Variants in CD9 observed in about 807,000 individuals in gnomAD.
CD9 encodes the protein CD9 antigen.
A neutral mutation model predicts 31.4 loss-of-function variants in CD9; 10 were observed. The observed-to-expected ratio is 0.32, with a 90% confidence interval of 0.20 to 0.54. CD9 has a LOEUF of 0.54. CD9 is among the 20% of genes least tolerant of loss of function. The probability of loss-of-function intolerance (pLI) is 0.94; values close to 1 mark genes in which losing one functional copy is unlikely to be tolerated. For missense variants in CD9, 259 were observed against 300.1 expected, an observed-to-expected ratio of 0.86 and a Z score of 1.01; for synonymous variants, 113 against 114.1, an observed-to-expected ratio of 0.99 and a Z score of 0.06.
At chr12:6,207,087 G>A (rs982304282) in intron 1 of CD9, among the ~76,000 whole-genome samples, 14 of 151,976 alleles carry the variant, frequency 9.2e-5, no homozygotes, top group Non-Finnish European at 1.9e-4. Context: ...TCTCTATGTC[G>A]CCCAAGCTGG....
chr12:6,211,855 G>A (rs1038898056), intron 1 of CD9, among the ~76,000 whole-genome samples: 3 of 152,126 alleles, frequency 2.0e-5, no homozygotes, highest in Non-Finnish European at 4.4e-5. Flanking sequence ...TTAGAAAGAG[G>A]TTACCTTGGG....
intron 1 of CD9, among the ~76,000 whole-genome samples, chr12:6,201,354 G>T (rs536337107): frequency 1.3e-5 from 2 of 152,348 alleles, no homozygotes; most frequent in African/African-American, 4.8e-5. Flanking sequence ...CCTCTAGTGG[G>T]ATGAGTCCTG....
Position 6,225,471 on chromosome 12 carries a change from G to T in CD9, c.112G>T (p.Asp38Tyr). 6.2e-7 allele frequency: 1 copy of T among 1,613,868 alleles called. No homozygotes were observed. Among genetic ancestry groups the T allele is most frequent in the South Asian group, 1.1e-5 (1 of 91,058 alleles). ...TGCCATTGGACTATGGCTCCGATTC[G>T]ACTCTCAGACCAAGAGCATCTTCGA... ...VLAIGLWLRF[D>Y]SQTKSIFEQE... Residue 38 changes from aspartate to tyrosine, a missense_variant, in exon 2 of 8, where the codon GAC (aspartate) becomes TAC (tyrosine). Coordinates refer to ENST00000009180, the MANE Select transcript of CD9 (RefSeq NM_001769.4).
At chr12:6,207,411 C>G (rs1565418758) in intron 1 of CD9, among the ~76,000 whole-genome samples, 1 of 152,248 alleles carries the variant, frequency 6.6e-6, no homozygotes, top group Non-Finnish European at 1.5e-5. Context: ...ACCCATCCCT[C>G]TGACTCTCAG....
intron 1 of CD9, among the ~76,000 whole-genome samples, chr12:6,201,142 G>A (rs1946071885): frequency 6.6e-6 from 1 of 152,212 alleles, no homozygotes; most frequent in African/African-American, 2.4e-5. Context: ...GTCCCTGAGA[G>A]TCGGGGGCCC....
intron 7 of CD9, 85 bp from the exon 8 acceptor site, chr12:6,237,677 GA>G: frequency 1.0e-6 from 1 of 969,408 alleles, no homozygotes; most frequent in Non-Finnish European, 1.6e-6. Context: ...ATTTTTCTTG[GA>G]CTGGGTGACC....
chr12:6,202,518 G>A (rs918383820), intron 1 of CD9, among the ~76,000 whole-genome samples: 1 of 152,244 alleles, frequency 6.6e-6, no homozygotes, highest in Non-Finnish European at 1.5e-5. Context: ...CCAGGTTTGG[G>A]ACTGCAGGGA....
chr12:6,221,930 G>A (rs941789846), intron 1 of CD9, among the ~76,000 whole-genome samples: 2 of 152,064 alleles, frequency 1.3e-5, no homozygotes, highest in South Asian at 2.1e-4. Context: ...AGGAGTCCAA[G>A]GCTACAGTGA....
intron 6 of CD9, 67 bp from the exon 7 acceptor site, chr12:6,236,125 T>C (rs922148341): frequency 4.4e-5 from 71 of 1,599,484 alleles, no homozygotes; most frequent in Non-Finnish European, 2.6e-5. Context: ...ACGGGGGCCA[T>C]GGGAGGGAGG....
At chr12:6,211,137 G>A (rs902139414) in intron 1 of CD9, among the ~76,000 whole-genome samples, 7 of 152,034 alleles carry the variant, frequency 4.6e-5, no homozygotes, top group South Asian at 2.1e-4. Context: ...TGCCCGGCCC[G>A]AGCAACTTAA....
chr12:6,231,687 A>G (rs766891504), intron 2 of CD9, among the ~76,000 whole-genome samples: 2 of 152,208 alleles, frequency 1.3e-5, no homozygotes, highest in Non-Finnish European at 2.9e-5. Context: ...GGCAAAAGTT[A>G]TAGAAGTTGC....
At chr12:6,200,379 T>C (rs1163022731), upstream of CD9, 2 of 635,588 alleles carry the variant, frequency 3.1e-6, no homozygotes, top group Non-Finnish European at 5.8e-6. Context: ...TTTTTAAAAG[T>C]GCAGCCGGAG....
intron 1 of CD9, among the ~76,000 whole-genome samples, chr12:6,219,367 C>G (rs1946271286): frequency 6.6e-6 from 1 of 152,198 alleles, no homozygotes; most frequent in Non-Finnish European, 1.5e-5. Flanking sequence ...CTGTAAGTCA[C>G]ATTGGGACAT....
In CD9 at chr12:6,229,239, G is replaced by C. The variant is rs182466632; in HGVS notation, c.176-3393G>C. On this transcript the variant is annotated intron_variant, in intron 2 of 7. Transcript: ENST00000009180. ...TCTAGGGGGGCTCCAGCCAGAGGCC[G>C]TGAATGCCCCCCCTTCCTCGGCCAG... is the stretch of plus-strand genomic sequence containing the variant. Among the ~76,000 whole-genome samples, 379 of 152,276 alleles carry C rather than the reference G, an allele frequency of 2.5e-3. 1 individual carries two copies. Among genetic ancestry groups the C allele is most frequent in the South Asian group, 6.4e-3 (31 of 4,822 alleles).
chr12:6,206,321 C>G (rs2159522), intron 1 of CD9, among the ~76,000 whole-genome samples: 60,340 of 151,592 alleles, frequency 0.4, 12,698 homozygotes, highest in Admixed American at 0.52. Flanking sequence ...CCTCCCAGCT[C>G]AGGCGATCCT....
chr12:6,221,321 G>A (rs1185398102), intron 1 of CD9, among the ~76,000 whole-genome samples: 1 of 152,204 alleles, frequency 6.6e-6, no homozygotes, highest in Non-Finnish European at 1.5e-5. Context: ...GGGAGTAGAA[G>A]CTATGGGCTC....
At chr12:6,224,060 T>C (rs1307053945) in intron 1 of CD9, among the ~76,000 whole-genome samples, 1 of 152,152 alleles carries the variant, frequency 6.6e-6, no homozygotes, top group African/African-American at 2.4e-5. Context: ...AAGGTGCGGC[T>C]GAGAGGCTGA....
At chr12:6,221,721 A>G (rs2136619563) in intron 1 of CD9, among the ~76,000 whole-genome samples, 1 of 151,212 alleles carries the variant, frequency 6.6e-6, no homozygotes, top group Middle Eastern at 3.4e-3. Flanking sequence ...CACACCTGTA[A>G]TCCAAGTGCT....
chr12:6,237,786 G>GATC lies in CD9; in HGVS notation c.646_648dup (p.Ile216dup). On this transcript the variant is annotated inframe_insertion, in exon 8 of 8. Coordinates refer to ENST00000009180, the MANE Select transcript of CD9 (RefSeq NM_001769.4). ...AGATATTTGGCATGATCTTCAGTATGATCTTGTGCTGTGCTATCCGCAGGA... is the reference window on the plus strand; with the variant it reads ...AGATATTTGGCATGATCTTCAGTATGATCATCTTGTGCTGTGCTATCCGCAGGA... 1 of 1,613,482 alleles carries GATC rather than the reference G, an allele frequency of 6.2e-7. No homozygotes were observed. The highest frequency in any genetic ancestry group is 1.1e-5 in the South Asian group (1 of 91,022).
Sources: gnomAD v4.1 joint callset for allele counts (sites outside exome capture counted in the v4.1 genomes callset) on GRCh38, gnomAD v4.1.1 for gene constraint, MANE v1.5 for transcripts, NCBI Gene and HGNC (gene_info 2026-07-23, HGNC 2026-07-21) for gene names.